Variants in KDM4A observed in about 807,000 individuals in gnomAD.
KDM4A encodes the protein lysine-specific demethylase 4A.
KDM4A carries 23 observed loss-of-function variants against 127.1 expected under a neutral mutation model. The ratio of observed to expected loss-of-function variants is 0.18; its 90% CI spans 0.13 to 0.26. The LOEUF (loss-of-function observed/expected upper bound fraction) is 0.26. Among genes scored for constraint, KDM4A ranks in the 10% least tolerant of loss-of-function variants. The pLI, the probability that KDM4A is intolerant of heterozygous loss-of-function variation, is 1.00. For missense variants in KDM4A, 890 were observed against 1,329.1 expected (o/e 0.67, Z 5.14); for synonymous variants, 443 against 466.5 (o/e 0.95, Z 0.65).
intron 16 of KDM4A, 55 bp downstream of exon 16, chr1:43,692,366 G>C (rs1661138199): frequency 7.5e-6 from 11 of 1,463,854 alleles, no homozygotes; most frequent in Non-Finnish European, 1.0e-5. Flanking sequence ...GAAGCACACA[G>C]TGTCTTTGTG....
At chr1:43,676,427 T>C (rs1005584678) in intron 11 of KDM4A, among the ~76,000 whole-genome samples, 2 of 152,146 alleles carry the variant, frequency 1.3e-5, no homozygotes, top group African/African-American at 4.8e-5. Context: ...CTTTAAGCAA[T>C]TCTTTGCCTC....
intron 3 of KDM4A, among the ~76,000 whole-genome samples, chr1:43,658,547 G>T (rs945743642): frequency 6.9e-6 from 1 of 145,790 alleles, no homozygotes; most frequent in African/African-American, 2.6e-5. Context: ...TCTGTGGCGC[G>T]GGCTAGAGTG....
At chr1:43,675,681 T>C (rs1050581793) in intron 11 of KDM4A, among the ~76,000 whole-genome samples, 1 of 152,126 alleles carries the variant, frequency 6.6e-6, no homozygotes, top group East Asian at 1.9e-4. Flanking sequence ...GTGAAGCAGT[T>C]TGACCTAGTT....
chr1:43,655,878 G>A (rs1660225297), intron 3 of KDM4A, 112 bp downstream of exon 3: 8 of 860,498 alleles, frequency 9.3e-6, no homozygotes, highest in Admixed American at 3.2e-5. Context: ...CAGCAGGATG[G>A]CTCTGTTCTA....
In KDM4A at chr1:43,704,118, T is replaced by C; in HGVS notation, c.3054+6T>C. ...AGAGAGTCAAATCTAGACTGGTGAG[T>C]ATTTTCTGTGTCCCCCCAGTTCCTG... On this transcript the variant is annotated splice_donor_region_variant and intron_variant, in intron 21 of 21. Coordinates refer to ENST00000372396, the MANE Select transcript of KDM4A (RefSeq NM_014663.3). 1 of 1,613,096 alleles carries C rather than the reference T, an allele frequency of 6.2e-7. No individual in the cohort carries two copies. Among genetic ancestry groups the C allele is most frequent in the Non-Finnish European group, 8.5e-7 (1 of 1,179,226 alleles).
At chr1:43,701,288 C>T (rs186674554) in intron 19 of KDM4A, among the ~76,000 whole-genome samples, 1 of 152,296 alleles carries the variant, frequency 6.6e-6, no homozygotes, top group African/African-American at 2.4e-5. Flanking sequence ...TGGGAAGTTT[C>T]AAGCTCACAG....
intron 11 of KDM4A, among the ~76,000 whole-genome samples, chr1:43,680,133 T>A (rs145661058): frequency 1.7e-4 from 26 of 152,162 alleles, no homozygotes; most frequent in Non-Finnish European, 2.2e-4. Context: ...GGAGGAGTAC[T>A]GTCCAGGAGA....
chr1:43,669,641 A>T (rs1660574591), intron 10 of KDM4A, among the ~76,000 whole-genome samples: 1 of 150,826 alleles, frequency 6.6e-6, no homozygotes, highest in Non-Finnish European at 1.5e-5. Context: ...ACAGGCATGG[A>T]GATGGGAATT....
chr1:43,652,151 G>C (rs1212961738), intron 1 of KDM4A, among the ~76,000 whole-genome samples: 1 of 152,220 alleles, frequency 6.6e-6, no homozygotes, highest in Admixed American at 6.5e-5. Context: ...CTCCCAAAGT[G>C]CTGGGATTAC....
chr1:43,660,241 A>C lies in KDM4A; in HGVS notation c.315-57A>C, dbSNP rs183547128. Reference sequence around the variant, plus strand: ...TAGGGGATTATGTCTTGTAATGTTCATAATGCCTAATAAACCCCTGTAAGT... The same window carrying C: ...TAGGGGATTATGTCTTGTAATGTTCCTAATGCCTAATAAACCCCTGTAAGT... On this transcript the variant is annotated intron_variant, in intron 3 of 21. Transcript: ENST00000372396. 2.6e-6 allele frequency: 4 copies of C among 1,562,814 alleles called. No homozygotes were observed. In the African/African-American group the frequency reaches 5.5e-5, roughly 21 times the overall value.
Position 43,704,523 on chromosome 1 carries a change from C to T in KDM4A, c.*153C>T. 1 of 807,590 alleles carries T rather than the reference C, an allele frequency of 1.2e-6. No individual in the cohort carries two copies. The highest frequency in any genetic ancestry group is 1.9e-6 in the Non-Finnish European group (1 of 516,702). 50.0% of individuals were successfully genotyped at this position (807,590 alleles called of 1,614,324 possible). A position where few individuals can be genotyped will look rare whatever the true frequency, so the allele number is the denominator to read the frequency against. The stretch of plus-strand genomic sequence containing the variant: ...GACCCATCATCTTCTCACCCACCCT[C>T]ATTGCATTCCGCTGTAGTGAAAGGA... On this transcript the variant is annotated 3_prime_UTR_variant, in exon 22 of 22. Coordinates refer to ENST00000372396, the MANE Select transcript of KDM4A (RefSeq NM_014663.3).
At chr1:43,676,313 C>T (rs913628168) in intron 11 of KDM4A, among the ~76,000 whole-genome samples, 3 of 152,034 alleles carry the variant, frequency 2.0e-5, no homozygotes, top group African/African-American at 7.2e-5. Context: ...GCGAATAATA[C>T]AGTGAACCCA....
chr1:43,655,557 T>A, intron 2 of KDM4A, 34 bp from the exon 3 acceptor site: 1 of 1,562,368 alleles, frequency 6.4e-7, no homozygotes, highest in Non-Finnish European at 8.7e-7. Flanking sequence ...GCCAGGTTTC[T>A]CATCTGTCTT....
In KDM4A at chr1:43,696,391, G is replaced by A. The variant is rs1661238955; in HGVS notation, c.2671-1452G>A. ...CAGTGTGGTAAATACATAATCAAAG[G>A]AAGAACGTGATAGATGGCCAGCCCA... is the stretch of plus-strand genomic sequence containing the variant. On this transcript the variant is annotated intron_variant, in intron 18 of 21. Transcript: ENST00000372396. 2.6e-5 allele frequency among the ~76,000 whole-genome samples: 4 copies of A among 152,356 alleles called. No individual in the cohort carries two copies. The South Asian group carries it at 8.3e-4, about 32-fold the overall frequency.
At chr1:43,701,863 T>C (rs1661405114) in intron 19 of KDM4A, among the ~76,000 whole-genome samples, 1 of 152,216 alleles carries the variant, frequency 6.6e-6, no homozygotes, top group South Asian at 2.1e-4. Flanking sequence ...ACAACACAGA[T>C]AGATTTCTTT....
chr1:43,686,546 AG>A (rs1434016678), intron 12 of KDM4A, among the ~76,000 whole-genome samples: 1 of 150,542 alleles, frequency 6.6e-6, no homozygotes, highest in Non-Finnish European at 1.5e-5. Context: ...CATGTTGGCC[AG>A]GCTTGTCTCG....
chr1:43,694,885 T>C lies in KDM4A; in HGVS notation c.2661T>C (p.Pro887=). 1 of 1,594,234 alleles carries C rather than the reference T, an allele frequency of 6.3e-7. No homozygotes were observed. The highest frequency in any genetic ancestry group is 8.6e-7 in the Non-Finnish European group (1 of 1,163,110). ...TTACCTGCTTTCGGCACAAGATTCCTAATTTGGAGGTGAGAGAGGGTGTCA... is the reference window on the plus strand; with the variant it reads ...TTACCTGCTTTCGGCACAAGATTCCCAATTTGGAGGTGAGAGAGGGTGTCA... ...VFITCFRHKI[P]NLERAKGALQ... The change falls in exon 18 of 22, where the codon CCT becomes CCC. Residue 887 remains proline (P), a synonymous_variant. Coordinates refer to ENST00000372396, the MANE Select transcript of KDM4A (RefSeq NM_014663.3). This position sits in a 1 kb window ranked among gnomAD's most constrained non-coding sequence, Gnocchi z 5.2.
chr1:43,686,980 T>C (rs980530572), intron 12 of KDM4A, among the ~76,000 whole-genome samples: 2 of 150,306 alleles, frequency 1.3e-5, no homozygotes, highest in African/African-American at 4.8e-5. Flanking sequence ...GGGGCCACTT[T>C]TGGCTTTGTA....
chr1:43,683,948 G>A lies in KDM4A; in HGVS notation c.1855+144G>A, dbSNP rs545853211. 115 of 892,380 alleles carry A rather than the reference G, an allele frequency of 1.3e-4. No homozygotes were observed. In the East Asian group the frequency reaches 2.6e-3, roughly 20 times the overall value. 55.3% of individuals were successfully genotyped at this position (892,380 alleles called of 1,614,324 possible). A position where few individuals can be genotyped will look rare whatever the true frequency, so the allele number is the denominator to read the frequency against. ...CCAGATATTCCATAAAGAGAGGACC[G>A]GATTTCCTTATATCTAATTGACTAA... On this transcript the variant is annotated intron_variant, in intron 12 of 21. Coordinates refer to ENST00000372396, the MANE Select transcript of KDM4A (RefSeq NM_014663.3).
Sources: gnomAD v4.1 joint callset for allele counts (sites outside exome capture counted in the v4.1 genomes callset) on GRCh38, gnomAD v4.1.1 for gene constraint, Gnocchi (gnomAD v3.1) non-coding constraint, MANE v1.5 for transcripts, NCBI Gene and HGNC (gene_info 2026-07-23, HGNC 2026-07-21) for gene names.